Variants in INPP5F observed in about 807,000 individuals in gnomAD.
The protein encoded by INPP5F is phosphatidylinositide 4-phosphatase SAC2.
INPP5F carries 97 observed loss-of-function variants against 137.2 expected under a neutral mutation model. That is an observed-to-expected ratio of 0.71 (90% confidence interval 0.60 to 0.84). The LOEUF (loss-of-function observed/expected upper bound fraction) is 0.84. INPP5F is among the 40% of genes least tolerant of loss of function. The pLI is 0.00. For synonymous variants in INPP5F, 504 were observed against 476.9 expected (o/e 1.06, Z -0.74); for missense variants, 1,271 against 1,371.9 (o/e 0.93, Z 1.16).
chr10:119,792,148 C>T lies in INPP5F; in HGVS notation c.613-9C>T, dbSNP rs1005753813. The T allele has an allele frequency of 2.1e-5, 34 of 1,614,034 alleles. No individual in the cohort carries two copies. The highest frequency in any genetic ancestry group is 2.9e-5 in the Non-Finnish European group (34 of 1,179,990). On this transcript the variant is annotated splice_polypyrimidine_tract_variant and intron_variant, in intron 5 of 19. Coordinates refer to ENST00000650623, the MANE Select transcript of INPP5F (RefSeq NM_014937.4). ...TGTTTCTGAACTATTGTTCCTGCACCTTTTCTAGGTTGATGACCGATTTTT... is the reference window on the plus strand; with the variant it reads ...TGTTTCTGAACTATTGTTCCTGCACTTTTTCTAGGTTGATGACCGATTTTT...
intron 1 of INPP5F, among the ~76,000 whole-genome samples, chr10:119,728,731 G>A (rs1442659725): frequency 6.6e-6 from 1 of 152,172 alleles, no homozygotes. Flanking sequence ...ATTTAGCCTG[G>A]AATGTTTGTT....
intron 1 of INPP5F, among the ~76,000 whole-genome samples, chr10:119,734,145 C>T (rs1307725860): frequency 1.3e-5 from 2 of 152,152 alleles, no homozygotes; most frequent in African/African-American, 4.8e-5. Context: ...TGTTTTCTTT[C>T]TGAATAAAAA....
intron 6 of INPP5F, among the ~76,000 whole-genome samples, chr10:119,796,105 A>G (rs1289177902): frequency 1.3e-5 from 2 of 151,052 alleles, no homozygotes; most frequent in Non-Finnish European, 3.0e-5. Context: ...GGAGAGGGAG[A>G]GGGAGAGCTG....
rs1365120993 is a variant in INPP5F at position 119,827,450 on chromosome 10, A to G, written c.3069A>G (p.Pro1023=). 6.2e-7 allele frequency: 1 copy of G among 1,614,210 alleles called. No homozygotes were observed. The highest frequency in any genetic ancestry group is 1.7e-5 in the Admixed American group (1 of 60,026). ...ATGTCTCTCTTTCTGCAACAGGCCC[A>G]CAGTTTTTGTCAGTTGAGCCAGCGC... is the stretch of plus-strand genomic sequence containing the variant. The part of the protein sequence containing the change: ...QLDVSLSATG[P]QFLSVEPAHS... Residue 1023 remains proline, a synonymous_variant, in exon 20 of 20, where the codon CCA becomes CCG. Coordinates refer to ENST00000650623, the MANE Select transcript of INPP5F (RefSeq NM_014937.4).
At chr10:119,768,822 TATAGAG>T (rs1475279579) in intron 2 of INPP5F, among the ~76,000 whole-genome samples, 1 of 152,246 alleles carries the variant, frequency 6.6e-6, no homozygotes, top group Admixed American at 6.5e-5. Flanking sequence ...CATGAATGTT[TATAGAG>T]ATAAACTGGA....
chr10:119,813,330 C>T (rs776814721), intron 15 of INPP5F, among the ~76,000 whole-genome samples: 39 of 152,242 alleles, frequency 2.6e-4, no homozygotes, highest in Non-Finnish European at 4.3e-4. Context: ...TAAAAACATA[C>T]TTATTTCTGG....
chr10:119,771,845 G>GAGATAT (rs1445944351), intron 2 of INPP5F, among the ~76,000 whole-genome samples: 9 of 32,798 alleles, frequency 2.7e-4, no homozygotes, highest in East Asian at 9.0e-4. Flanking sequence ...AAAGTATGGA[G>GAGATAT]ATATATATAT....
chr10:119,744,771 C>T (rs966146259), intron 1 of INPP5F, among the ~76,000 whole-genome samples: 7 of 152,106 alleles, frequency 4.6e-5, no homozygotes, highest in African/African-American at 1.2e-4. Context: ...GTCTCACACC[C>T]CTGACCTCAA....
chr10:119,823,221 A>T, intron 18 of INPP5F, 22 bp downstream of exon 18: 2 of 1,607,678 alleles, frequency 1.2e-6, no homozygotes, highest in Non-Finnish European at 1.7e-6. Context: ...AAGAGATGAA[A>T]GTATTCAGTG....
intron 1 of INPP5F, among the ~76,000 whole-genome samples, chr10:119,749,701 C>G (rs1048335360): frequency 6.6e-6 from 1 of 152,084 alleles, no homozygotes; most frequent in African/African-American, 2.4e-5. Context: ...AAGTGAGACT[C>G]CTTAAACTTA....
chr10:119,826,566 T>G (rs1851768025), intron 19 of INPP5F, 65 bp from the exon 20 acceptor site: 1 of 1,271,004 alleles, frequency 7.9e-7, no homozygotes, highest in South Asian at 1.5e-5. Context: ...TCACTTATGT[T>G]AATAACTGGA....
rs145226036 is a variant in INPP5F, at chr10:119,755,050, A to G, written c.178+3894A>G. Among the ~76,000 whole-genome samples the G allele has an allele frequency of 7.6e-3, 1,158 of 152,326 alleles. 3 individuals are homozygous for G. Among genetic ancestry groups the G allele is most frequent in the Non-Finnish European group, 0.013 (885 of 68,034 alleles). On this transcript the variant is annotated intron_variant, in intron 2 of 19. Transcript: ENST00000650623. ...TTTTCTTCTCACCTAGGGAGATGGG[A>G]ACATAAATTTATTTGAACAGATGTC...
At chr10:119,780,715 T>C (rs1269702253) in intron 2 of INPP5F, among the ~76,000 whole-genome samples, 1 of 152,254 alleles carries the variant, frequency 6.6e-6, no homozygotes, top group Non-Finnish European at 1.5e-5. Flanking sequence ...GATGGTTGCA[T>C]CTGTACTGGA....
At chr10:119,771,566 GTTTC>G (rs571915183) in intron 2 of INPP5F, among the ~76,000 whole-genome samples, 2 of 151,838 alleles carry the variant, frequency 1.3e-5, no homozygotes, top group South Asian at 4.2e-4. Context: ...TCCTCTGAGA[GTTTC>G]TTTATGCATT....
intron 2 of INPP5F, among the ~76,000 whole-genome samples, chr10:119,772,699 G>A (rs1849402182): frequency 6.6e-6 from 1 of 152,032 alleles, no homozygotes; most frequent in Non-Finnish European, 1.5e-5. Context: ...CTTGCAGTGG[G>A]AATTTAACTT....
intron 15 of INPP5F, chr10:119,818,757 C>T (rs1851404752): frequency 6.6e-6 from 1 of 152,328 alleles, no homozygotes; most frequent in Admixed American, 6.5e-5. Flanking sequence ...TGGGTGCAGG[C>T]AGCTGTTTGA....
intron 18 of INPP5F, 100 bp downstream of exon 18, chr10:119,823,299 T>C: frequency 8.9e-7 from 1 of 1,122,858 alleles, no homozygotes; most frequent in Non-Finnish European, 1.3e-6. Context: ...ACCAACTGAA[T>C]GAGAGAGGGT....
intron 2 of INPP5F, among the ~76,000 whole-genome samples, chr10:119,755,183 A>G (rs1261334512): frequency 6.6e-6 from 1 of 152,216 alleles, no homozygotes; most frequent in East Asian, 1.9e-4. Flanking sequence ...GAACTGTATT[A>G]GTTTGCTGTC....
chr10:119,808,222 C>T (rs1160989203), intron 13 of INPP5F, among the ~76,000 whole-genome samples, 162 bp downstream of exon 13: 1 of 152,190 alleles, frequency 6.6e-6, no homozygotes, highest in Non-Finnish European at 1.5e-5. Context: ...GTGACTCAAG[C>T]AGGCCACACA....
Sources: gnomAD v4.1 joint callset for allele counts (sites outside exome capture counted in the v4.1 genomes callset) on GRCh38, gnomAD v4.1.1 for gene constraint, MANE v1.5 for transcripts, NCBI Gene and HGNC (gene_info 2026-07-23, HGNC 2026-07-21) for gene names.